Variants in NLN observed in about 807,000 individuals in gnomAD.
NLN encodes the protein neurolysin, mitochondrial.
Under a neutral mutation model 79.9 loss-of-function variants are expected in NLN, and 64 were observed. The ratio of observed to expected loss-of-function variants is 0.80; its 90% CI spans 0.65 to 0.99. The LOEUF is 0.99. Ranked by LOEUF, NLN falls within the 50% of genes least tolerant of loss-of-function variation. The pLI is 0.00. For synonymous variants in NLN, 267 were observed against 296.6 expected (o/e 0.90, Z 1.02); for missense variants, 835 against 858.7 (o/e 0.97, Z 0.34).
intron 2 of NLN, among the ~76,000 whole-genome samples, chr5:65,759,866 CTATTTTCTG>C (rs754647805): frequency 1.3e-5 from 2 of 152,158 alleles, no homozygotes; most frequent in African/African-American, 4.8e-5. Flanking sequence ...ATGTATTTCT[CTATTTTCTG>C]TATTTTCTGC....
At chr5:65,775,213 T>C (rs969477691) in intron 3 of NLN, among the ~76,000 whole-genome samples, 24 of 152,352 alleles carry the variant, frequency 1.6e-4, no homozygotes, top group Admixed American at 1.4e-3. Flanking sequence ...CATGCTGATA[T>C]GGCAGATTGC....
At chr5:65,742,203 G>T (rs1758882315) in intron 1 of NLN, among the ~76,000 whole-genome samples, 1 of 151,968 alleles carries the variant, frequency 6.6e-6, no homozygotes, top group African/African-American at 2.4e-5. Flanking sequence ...CTAAAATAAA[G>T]TTACCTTTTT....
chr5:65,725,212 G>C (rs935866668), intron 1 of NLN, among the ~76,000 whole-genome samples: 1 of 152,058 alleles, frequency 6.6e-6, no homozygotes, highest in African/African-American at 2.4e-5. Flanking sequence ...GTTTCATTTT[G>C]GTTTAAGATG....
At chr5:65,766,815 A>G (rs915249569) in intron 3 of NLN, among the ~76,000 whole-genome samples, 1 of 152,218 alleles carries the variant, frequency 6.6e-6, no homozygotes, top group African/African-American at 2.4e-5. Context: ...CACATTCCAA[A>G]TGGGAGAAAT....
At chr5:65,727,127 AT>A (rs1758490778) in intron 1 of NLN, among the ~76,000 whole-genome samples, 1 of 152,186 alleles carries the variant, frequency 6.6e-6, no homozygotes, top group Admixed American at 6.5e-5. Flanking sequence ...CCTTAAAAAA[AT>A]CACTCACTCC....
At chr5:65,735,040 CT>C (rs1758700061) in intron 1 of NLN, among the ~76,000 whole-genome samples, 1 of 152,182 alleles carries the variant, frequency 6.6e-6, no homozygotes, top group Admixed American at 6.5e-5. Context: ...TATGGTTTGG[CT>C]GTGTCCCCAC....
chr5:65,737,139 AT>A (rs1758745238), intron 1 of NLN, among the ~76,000 whole-genome samples: 3 of 150,852 alleles, frequency 2.0e-5, no homozygotes, highest in Middle Eastern at 3.5e-3. Flanking sequence ...CTCCAAAAAA[AT>A]ATGTATATTT....
At chr5:65,742,540 A>G (rs1359289006) in intron 1 of NLN, among the ~76,000 whole-genome samples, 1 of 152,200 alleles carries the variant, frequency 6.6e-6, no homozygotes, top group Non-Finnish European at 1.5e-5. Flanking sequence ...GTTCTTCTCT[A>G]TACTCAACAT....
chr5:65,729,498 C>T (rs1415540426), intron 1 of NLN, among the ~76,000 whole-genome samples: 2 of 151,166 alleles, frequency 1.3e-5, no homozygotes, highest in Admixed American at 6.6e-5. Context: ...CCTCAGCCTC[C>T]GGAGTAGCTG....
Position 65,722,296 on chromosome 5 carries a change from GC to G in NLN, c.-75del. Reference sequence around the variant, plus strand: ...CTAGGCCGGCTCGAGACTCCCGGGCGCCCAGGCGCTGCCGCCCGCCTCGCCG... The same window carrying G: ...CTAGGCCGGCTCGAGACTCCCGGGCGCCAGGCGCTGCCGCCCGCCTCGCCG... On this transcript the variant is annotated 5_prime_UTR_variant, in exon 1 of 13. Coordinates refer to ENST00000380985, the MANE Select transcript of NLN (RefSeq NM_020726.5). 8.4e-7 allele frequency: 1 copy of G among 1,194,988 alleles called. No homozygotes were observed. 74.0% of individuals were successfully genotyped at this position (1,194,988 alleles called of 1,614,324 possible).
At chr5:65,749,944 G>A (rs983896023) in intron 1 of NLN, among the ~76,000 whole-genome samples, 6 of 152,216 alleles carry the variant, frequency 3.9e-5, no homozygotes, top group African/African-American at 1.4e-4. Flanking sequence ...TGCATGTTGT[G>A]AGGATTAGAT....
chr5:65,777,353 G>T (rs989378927), intron 3 of NLN, 74 bp from the exon 4 acceptor site: 2 of 938,656 alleles, frequency 2.1e-6, no homozygotes, highest in African/African-American at 1.6e-5. Context: ...GAATAAATTT[G>T]CTGTGGCCTC....
chr5:65,788,285 G>C lies in NLN; in HGVS notation c.1126G>C (p.Asp376His), dbSNP rs1462644210. 1.2e-6 allele frequency: 2 copies of C among 1,613,810 alleles called. No homozygotes were observed. The highest frequency in any genetic ancestry group is 8.5e-7 in the Non-Finnish European group (1 of 1,179,692). ...GACAGAGGAACTCAAGTATTCCATA[G>C]ACCAAGAGTTCCTCAAGGAATACTT... ...TQTEELKYSI[D>H]QEFLKEYFPI... The change falls in exon 8 of 13, where the codon GAC (aspartate) becomes CAC (histidine). Residue 376 changes from aspartate to histidine, a missense_variant. By Grantham distance (81) the Asp-to-His change is moderately conservative. Transcript: ENST00000380985.
intron 8 of NLN, 136 bp from the exon 9 acceptor site, chr5:65,792,318 T>G (rs1053359042): frequency 3.3e-6 from 2 of 604,796 alleles, no homozygotes; most frequent in Non-Finnish European, 5.8e-6. Flanking sequence ...CAAAATAACC[T>G]ACTTTCTAAA....
intron 1 of NLN, among the ~76,000 whole-genome samples, chr5:65,728,293 C>T (rs1758523878): frequency 6.6e-6 from 1 of 151,852 alleles, no homozygotes; most frequent in Non-Finnish European, 1.5e-5. Context: ...TACAAACATC[C>T]CCTAAAATAT....
Position 65,788,435 on chromosome 5 carries a change from A to G in NLN, c.1276A>G (p.Lys426Glu). Residue 426 changes from lysine (K) to glutamate (E), a missense_variant, in exon 8 of 13, where the codon AAA becomes GAA. Coordinates refer to ENST00000380985, the MANE Select transcript of NLN (RefSeq NM_020726.5). The part of the protein sequence containing the change: ...KSVTLYTVKD[K>E]ATGEVLGQFY... ...TGTTACACTTTATACTGTGAAGGAT[A>G]AAGCTACAGGAGAAGTATTGGGACA... 1 of 1,614,022 alleles carries G rather than the reference A, an allele frequency of 6.2e-7. No homozygotes were observed. The highest frequency in any genetic ancestry group is 2.2e-5 in the East Asian group (1 of 44,882).
chr5:65,809,191 A>C (rs1008583399), intron 9 of NLN: 2 of 193,878 alleles, frequency 1.0e-5, no homozygotes, highest in African/African-American at 4.6e-5. Flanking sequence ...CTTTAAAAAT[A>C]CTTCTGCTTT....
At position 65,752,441 on chromosome 5, in the gene NLN, T is replaced by C. The variant is rs538520121; in HGVS notation, c.42-6126T>C. 9.8e-4 allele frequency among the ~76,000 whole-genome samples: 149 copies of C among 152,368 alleles called. No individual in the cohort carries two copies. In the Middle Eastern group the frequency reaches 0.017, roughly 17 times the overall value. ...TCAAATTATTAGACGTAATAACTGC[T>C]GTAGGAAAAGACAGGCTCATGCCGT... On this transcript the variant is annotated intron_variant, in intron 1 of 12. Coordinates refer to ENST00000380985, the MANE Select transcript of NLN (RefSeq NM_020726.5).
chr5:65,815,685 T>C (rs558297878), intron 12 of NLN, among the ~76,000 whole-genome samples: 56 of 152,226 alleles, frequency 3.7e-4, no homozygotes, highest in African/African-American at 1.3e-3. Context: ...TCACACCCTT[T>C]GCAGATACTA....
Sources: allele counts gnomAD v4.1 joint callset (sites outside exome capture counted in the v4.1 genomes callset), GRCh38; gene constraint gnomAD v4.1.1; transcripts MANE v1.5; gene names NCBI Gene and HGNC (gene_info 2026-07-23, HGNC 2026-07-21).